The following AUH variants were observed in gnomAD, a reference collection of about 807,000 sequenced individuals.
The protein encoded by AUH is methylglutaconyl-CoA hydratase, mitochondrial.
In AUH, 29 loss-of-function variants were observed where a neutral mutation model predicts 42.3. That is an observed-to-expected ratio of 0.69 (90% CI 0.51 to 0.93). The LOEUF (loss-of-function observed/expected upper bound fraction) is 0.93. Ranked by LOEUF, AUH falls within the 40% of genes least tolerant of loss-of-function variation. The pLI, the probability that AUH is intolerant of heterozygous loss-of-function variation, is 0.00. For missense variants in AUH, 452 were observed against 438.1 expected, an observed-to-expected ratio of 1.03 and a Z score of -0.28; for synonymous variants, 174 against 166.4, an observed-to-expected ratio of 1.05 and a Z score of -0.35.
Position 91,249,233 on chromosome 9 carries a change from G to T in AUH, c.656-28241C>A, listed in dbSNP as rs1042389805. 1.0e-4 allele frequency among the ~76,000 whole-genome samples: 15 copies of T among 143,088 alleles called. No homozygotes were observed. The East Asian group carries it at 3.1e-3, about 30-fold the overall frequency. The allele number at this position is 143,088 out of a possible 152,430, so 93.9% of individuals were successfully genotyped here. On this transcript the variant is annotated intron_variant, in intron 6 of 9. Coordinates refer to ENST00000375731, the MANE Select transcript of AUH (RefSeq NM_001698.3). ...GATCACCTGAGCCTGGGAGATTGAG[G>T]CTGCAGTGAGCCATGATTGCACCAC...
intron 9 of AUH, among the ~76,000 whole-genome samples, chr9:91,215,586 C>T (rs1826775642): frequency 6.6e-6 from 1 of 152,026 alleles, no homozygotes; most frequent in Non-Finnish European, 1.5e-5. Context: ...GCAAAACTTA[C>T]AGATGAAAAG....
At chr9:91,226,096 T>G (rs370901371) in intron 6 of AUH, among the ~76,000 whole-genome samples, 3,619 of 148,178 alleles carry the variant, frequency 0.024, 65 homozygotes, top group East Asian at 0.056. Flanking sequence ...AAATGGTATT[T>G]CTAGTTCTAG....
At chr9:91,282,191 A>T (rs1252996502) in intron 6 of AUH, among the ~76,000 whole-genome samples, 1 of 152,016 alleles carries the variant, frequency 6.6e-6, no homozygotes, top group South Asian at 2.1e-4. Flanking sequence ...GATACTTTTG[A>T]CTGACATGCT....
At chr9:91,318,723 T>C (rs1829346938) in intron 4 of AUH, among the ~76,000 whole-genome samples, 1 of 152,204 alleles carries the variant, frequency 6.6e-6, no homozygotes, top group Non-Finnish European at 1.5e-5. Flanking sequence ...GGAACAATAA[T>C]TCAGGATAAG....
chr9:91,224,269 C>CCAAAAGACATT (rs1288518839), intron 6 of AUH, among the ~76,000 whole-genome samples: 1 of 152,126 alleles, frequency 6.6e-6, no homozygotes, highest in Admixed American at 6.5e-5. Context: ...GGAGAAATGT[C>CCAAAAGACATT]TATTTAAAGT....
At chr9:91,241,299 T>G (rs1000021162) in intron 6 of AUH, among the ~76,000 whole-genome samples, 16 of 152,198 alleles carry the variant, frequency 1.1e-4, no homozygotes, top group African/African-American at 3.4e-4. Flanking sequence ...CTACCTACAG[T>G]AAAAATATCA....
At chr9:91,354,570 G>A (rs1666012537) in intron 3 of AUH, among the ~76,000 whole-genome samples, 1 of 152,134 alleles carries the variant, frequency 6.6e-6, no homozygotes, top group Non-Finnish European at 1.5e-5. Flanking sequence ...CAAATGGGCT[G>A]CAAAAGAATA....
chr9:91,346,705 A>ATCCCACAAGTTAAGGGG (rs1329583844), intron 3 of AUH, among the ~76,000 whole-genome samples: 1 of 152,162 alleles, frequency 6.6e-6, no homozygotes, highest in African/African-American at 2.4e-5. Context: ...AATTAGTGGG[A>ATCCCACAAGTTAAGGGG]TCCCACAAGT....
At chr9:91,350,331 CCTAA>C (rs1305019685) in intron 3 of AUH, among the ~76,000 whole-genome samples, 8 of 152,172 alleles carry the variant, frequency 5.3e-5, no homozygotes, top group African/African-American at 1.4e-4. Context: ...AAAACTCTGT[CCTAA>C]CTGTCAAGAG....
At chr9:91,264,190 A>G (rs1829849288) in intron 6 of AUH, among the ~76,000 whole-genome samples, 1 of 152,190 alleles carries the variant, frequency 6.6e-6, no homozygotes, top group Admixed American at 6.5e-5. Flanking sequence ...GTATACTAAA[A>G]TTACATTTCA....
chr9:91,351,757 T>G (rs1002624175), intron 3 of AUH, among the ~76,000 whole-genome samples: 1 of 152,116 alleles, frequency 6.6e-6, no homozygotes, highest in African/African-American at 2.4e-5. Flanking sequence ...GGGATCTAGG[T>G]TGCACGCTCC....
At chr9:91,294,037 G>C (rs1306030231) in intron 6 of AUH, among the ~76,000 whole-genome samples, 1 of 152,182 alleles carries the variant, frequency 6.6e-6, no homozygotes, top group Non-Finnish European at 1.5e-5. Flanking sequence ...AGTGCATCTG[G>C]TTTCCAGCAT....
chr9:91,340,459 T>A (rs1318894708), intron 3 of AUH, among the ~76,000 whole-genome samples: 1 of 152,168 alleles, frequency 6.6e-6, no homozygotes, highest in Non-Finnish European at 1.5e-5. Context: ...ATTGACTACC[T>A]CCATCTCTTT....
At chr9:91,324,371 T>G (rs1444379095) in intron 4 of AUH, among the ~76,000 whole-genome samples, 1 of 151,906 alleles carries the variant, frequency 6.6e-6, no homozygotes, top group Admixed American at 6.6e-5. Context: ...GGCCTGATGG[T>G]TCACACCTGT....
chr9:91,308,444 T>A (rs528410490), intron 4 of AUH, among the ~76,000 whole-genome samples: 1 of 152,194 alleles, frequency 6.6e-6, no homozygotes, highest in African/African-American at 2.4e-5. Context: ...CTCCCAGATG[T>A]TTGTTTTCAT....
chr9:91,300,623 T>C (rs1827708697), intron 4 of AUH, among the ~76,000 whole-genome samples: 1 of 152,228 alleles, frequency 6.6e-6, no homozygotes, highest in African/African-American at 2.4e-5. Context: ...TATTCCCCTA[T>C]TTAAAACTGT....
intron 4 of AUH, among the ~76,000 whole-genome samples, chr9:91,311,407 G>A (rs1587832720): frequency 6.6e-6 from 1 of 152,068 alleles, no homozygotes; most frequent in Non-Finnish European, 1.5e-5. Context: ...TATGAATGCT[G>A]GCATTTTAAA....
At chr9:91,287,013 A>ATG (rs907398095) in intron 6 of AUH, among the ~76,000 whole-genome samples, 10 of 152,142 alleles carry the variant, frequency 6.6e-5, no homozygotes, top group Non-Finnish European at 8.8e-5. Flanking sequence ...TCACTTCACA[A>ATG]TGTGTGTGTG....
intron 4 of AUH, among the ~76,000 whole-genome samples, chr9:91,322,869 G>A (rs1341099544): frequency 2.0e-5 from 3 of 152,154 alleles, no homozygotes; most frequent in East Asian, 1.9e-4. Flanking sequence ...TATGGCCACC[G>A]CAGCATTAGT....
Sources: allele counts gnomAD v4.1 joint callset (sites outside exome capture counted in the v4.1 genomes callset), GRCh38; gene constraint gnomAD v4.1.1; transcripts MANE v1.5; gene names NCBI Gene and HGNC (gene_info 2026-07-23, HGNC 2026-07-21).